Variants in XIRP2 observed in about 807,000 individuals in gnomAD.
The protein encoded by XIRP2 is xin actin binding repeat containing 2.
A neutral mutation model predicts 277.0 loss-of-function variants in XIRP2; 236 were observed. The observed-to-expected ratio is 0.85, with a 90% CI of 0.77 to 0.95. XIRP2 has a LOEUF of 0.95. Ranked by LOEUF, XIRP2 falls within the 40% of genes least tolerant of loss-of-function variation. The probability of loss-of-function intolerance (pLI) is 0.00; values close to 1 mark genes in which losing one functional copy is unlikely to be tolerated. For missense variants in XIRP2, 4,640 were observed against 4,157.5 expected (o/e 1.12, Z -3.19); for synonymous variants, 1,490 against 1,416.5 (o/e 1.05, Z -1.17).
At position 167,012,679 on chromosome 2, in the gene XIRP2, T is replaced by C. The variant is rs528612491; in HGVS notation, c.408+108789T>C. On this transcript the variant is annotated intron_variant, in intron 2 of 10. Transcript: ENST00000409195. ...TGTAAAATGTCCTGGTCAGCATCAA[T>C]GGTTATTTTAGCCACAGATTCCTTC... 2.0e-5 allele frequency among the ~76,000 whole-genome samples: 3 copies of C among 151,724 alleles called. No homozygotes were observed. The South Asian group carries it at 6.2e-4, about 31-fold the overall frequency.
chr2:166,903,297 G>A (rs985782338), intron 1 of XIRP2, among the ~76,000 whole-genome samples, 168 bp from the exon 2 acceptor site: 5 of 152,012 alleles, frequency 3.3e-5, no homozygotes, highest in African/African-American at 9.7e-5. Context: ...CTTACATAAC[G>A]TTGTGGGGTG....
intron 3 of XIRP2, among the ~76,000 whole-genome samples, chr2:167,161,876 T>C (rs1226844407): frequency 6.6e-6 from 1 of 152,190 alleles, no homozygotes; most frequent in Non-Finnish European, 1.5e-5. Flanking sequence ...ATGCTCTGCT[T>C]CCCTTATAAA....
intron 5 of XIRP2, among the ~76,000 whole-genome samples, chr2:167,229,178 T>C (rs1573976422): frequency 6.6e-6 from 1 of 152,256 alleles, no homozygotes; most frequent in East Asian, 1.9e-4. Flanking sequence ...TTATATTTTC[T>C]TTGATCACAG....
At chr2:167,168,575 A>G (rs1245258079) in intron 3 of XIRP2, among the ~76,000 whole-genome samples, 1 of 152,102 alleles carries the variant, frequency 6.6e-6, no homozygotes, top group Non-Finnish European at 1.5e-5. Flanking sequence ...TTGCATCTCT[A>G]GCATTCCTTT....
chr2:167,002,133 T>G (rs1407821217), intron 2 of XIRP2, among the ~76,000 whole-genome samples: 1 of 152,090 alleles, frequency 6.6e-6, no homozygotes, highest in Non-Finnish European at 1.5e-5. Context: ...TTGTTTCAAG[T>G]TAATTGTGGC....
intron 2 of XIRP2, among the ~76,000 whole-genome samples, chr2:167,088,914 A>G (rs1033388007): frequency 7.9e-5 from 12 of 152,102 alleles, no homozygotes; most frequent in African/African-American, 2.9e-4. Context: ...ATACAATTTC[A>G]TTCTCTGTCT....
At chr2:166,922,162 C>T (rs533117627) in intron 2 of XIRP2, among the ~76,000 whole-genome samples, 3 of 151,994 alleles carry the variant, frequency 2.0e-5, no homozygotes, top group Non-Finnish European at 4.4e-5. Context: ...ATTCTTAGAC[C>T]ACGGCTTGAA....
chr2:167,181,034 C>T (rs1692993305), intron 3 of XIRP2, among the ~76,000 whole-genome samples: 1 of 152,194 alleles, frequency 6.6e-6, no homozygotes. Context: ...TTGTATGGTA[C>T]AAACCATGAA....
chr2:167,068,438 T>A (rs1383358231), intron 2 of XIRP2, among the ~76,000 whole-genome samples: 1 of 152,150 alleles, frequency 6.6e-6, no homozygotes, highest in African/African-American at 2.4e-5. Context: ...AGCCCTTTCT[T>A]TTACAAGAAT....
At chr2:166,927,420 T>G (rs1321684701) in intron 2 of XIRP2, among the ~76,000 whole-genome samples, 2 of 152,130 alleles carry the variant, frequency 1.3e-5, no homozygotes, top group Non-Finnish European at 2.9e-5. Context: ...AAGTCTGCAT[T>G]TTTTTCTGGA....
intron 2 of XIRP2, among the ~76,000 whole-genome samples, chr2:167,086,232 G>A (rs1428628939): frequency 6.6e-6 from 1 of 152,178 alleles, no homozygotes; most frequent in East Asian, 1.9e-4. Flanking sequence ...GAAATTCTGG[G>A]TTGAAAATTC....
intron 2 of XIRP2, among the ~76,000 whole-genome samples, chr2:167,083,712 A>T (rs1689820074): frequency 1.3e-5 from 2 of 152,156 alleles, no homozygotes; most frequent in South Asian, 4.1e-4. Flanking sequence ...AGCAATTGTG[A>T]ATGGCAGTTC....
In XIRP2 at chr2:167,249,621, T is replaced by C; in HGVS notation, c.8229T>C (p.Phe2743=). 6.2e-7 allele frequency: 1 copy of C among 1,613,540 alleles called. No individual in the cohort carries two copies. The highest frequency in any genetic ancestry group is 8.5e-7 in the Non-Finnish European group (1 of 1,179,796). ...AATCTGAGATTGATGTTCAAACCTT[T>C]ACCAAAAAACAATATCTGAAAACCA... is the stretch of plus-strand genomic sequence containing the variant. ...KQQSEIDVQT[F]TKKQYLKTKK... Residue 2743 remains phenylalanine, a synonymous_variant, in exon 9 of 11, where the codon TTT becomes TTC. Transcript: ENST00000409195.
chr2:167,212,736 C>G (rs533258237), intron 4 of XIRP2, among the ~76,000 whole-genome samples: 1 of 151,926 alleles, frequency 6.6e-6, no homozygotes, highest in Non-Finnish European at 1.5e-5. Flanking sequence ...TTTTTGGCCC[C>G]CAAAATACAT....
rs377143959 is a variant in XIRP2 at position 167,249,081 on chromosome 2, G to A, written c.7689G>A (p.Gln2563=). Reference sequence around the variant, plus strand: ...AAGAAGAAATTGAAAAACAGAAACAGGAGAGTTCTTACTACAACATTGTTA... The same window carrying A: ...AAGAAGAAATTGAAAAACAGAAACAAGAGAGTTCTTACTACAACATTGTTA... ...QQKEEIEKQK[Q]ESSYYNIVKT... The change falls in exon 9 of 11, where the codon CAG becomes CAA. Residue 2563 remains glutamine (Q), a synonymous_variant. Coordinates refer to ENST00000409195, the MANE Select transcript of XIRP2 (RefSeq NM_152381.6). 26 of 1,613,326 alleles carry A rather than the reference G, an allele frequency of 1.6e-5. No homozygotes were observed. The Middle Eastern group carries it at 6.6e-4, about 41-fold the overall frequency.
intron 3 of XIRP2, among the ~76,000 whole-genome samples, chr2:167,182,893 G>A (rs1009693640): frequency 6.6e-6 from 1 of 152,072 alleles, no homozygotes; most frequent in African/African-American, 2.4e-5. Flanking sequence ...AAATAAACAT[G>A]AGCCAAATCA....
At chr2:167,210,110 G>A (rs2105388340) in intron 3 of XIRP2, among the ~76,000 whole-genome samples, 1 of 151,910 alleles carries the variant, frequency 6.6e-6, no homozygotes, top group South Asian at 2.1e-4. Flanking sequence ...TCTTTCTTAT[G>A]TAATACATGC....
intron 3 of XIRP2, among the ~76,000 whole-genome samples, chr2:167,144,277 G>T (rs1691804809): frequency 6.6e-6 from 1 of 152,062 alleles, no homozygotes; most frequent in Non-Finnish European, 1.5e-5. Flanking sequence ...TAAATATGGA[G>T]ATAGGGCTAA....
intron 5 of XIRP2, among the ~76,000 whole-genome samples, chr2:167,221,163 T>A (rs1001340077): frequency 6.6e-6 from 1 of 151,978 alleles, no homozygotes; most frequent in Non-Finnish European, 1.5e-5. Flanking sequence ...CAGAAGTCTG[T>A]AGGAAAGTAA....
Sources: gnomAD v4.1 joint callset for allele counts (sites outside exome capture counted in the v4.1 genomes callset) on GRCh38, gnomAD v4.1.1 for gene constraint, MANE v1.5 for transcripts, NCBI Gene and HGNC (gene_info 2026-07-23, HGNC 2026-07-21) for gene names.